JARID2: variants seen among roughly 807,000 people sequenced by gnomAD.
JARID2 encodes jumonji and AT-rich interaction domain containing 2.
A neutral mutation model predicts 125.6 loss-of-function variants in JARID2; 21 were observed. The ratio of observed to expected loss-of-function variants is 0.17; its 90% CI spans 0.12 to 0.24. The LOEUF is 0.24. Ranked by LOEUF, JARID2 falls within the 10% of genes least tolerant of loss-of-function variation. JARID2 has a pLI of 1.00. For synonymous variants in JARID2, 736 were observed against 661.6 expected, an observed-to-expected ratio of 1.11 and a Z score of -1.73; for missense variants, 1,303 against 1,639.6, an observed-to-expected ratio of 0.79 and a Z score of 3.55.
intron 3 of JARID2, among the ~76,000 whole-genome samples, chr6:15,439,046 AAAG>A (rs1299946912): frequency 6.6e-6 from 1 of 151,646 alleles, no homozygotes; most frequent in Non-Finnish European, 1.5e-5. Flanking sequence ...AAAAAAAAAA[AAAG>A]GTGTGGGGGG....
chr6:15,390,341 G>A (rs1347783506), intron 2 of JARID2, among the ~76,000 whole-genome samples: 1 of 152,090 alleles, frequency 6.6e-6, no homozygotes, highest in Non-Finnish European at 1.5e-5. Flanking sequence ...GTGCTTGTTG[G>A]TGTGGGGTTC....
At chr6:15,342,145 C>T (rs1763089635) in intron 1 of JARID2, among the ~76,000 whole-genome samples, 1 of 152,168 alleles carries the variant, frequency 6.6e-6, no homozygotes, top group African/African-American at 2.4e-5. Flanking sequence ...CAGCATTGCA[C>T]ATGCTCAGTC....
At chr6:15,283,172 G>C (rs562788104) in intron 1 of JARID2, among the ~76,000 whole-genome samples, 4 of 147,718 alleles carry the variant, frequency 2.7e-5, no homozygotes, top group Non-Finnish European at 6.0e-5. Context: ...TAGAGACGGG[G>C]TTTCACCGTG....
At chr6:15,423,797 T>C (rs1297042963) in intron 3 of JARID2, among the ~76,000 whole-genome samples, 5 of 152,184 alleles carry the variant, frequency 3.3e-5, no homozygotes, top group Admixed American at 3.3e-4. Context: ...CTTGGGGCCG[T>C]GATAGGGAAG....
intron 7 of JARID2, among the ~76,000 whole-genome samples, chr6:15,499,713 G>C (rs556668076): frequency 1.3e-5 from 2 of 152,226 alleles, no homozygotes; most frequent in East Asian, 3.9e-4. Context: ...GGTCCCTCCT[G>C]TCGAGGCTGG....
intron 1 of JARID2, among the ~76,000 whole-genome samples, chr6:15,275,543 C>CCCG (rs1760472058): frequency 9.2e-6 from 1 of 108,204 alleles, no homozygotes. Context: ...GCCCCCCCCC[C>CCCG]CGTCTTTTGC....
Position 15,497,105 on chromosome 6 carries a change from G to A in JARID2, c.1880G>A (p.Arg627Gln), listed in dbSNP as rs1343262221. ...LGRRWGPNVQ[R>Q]LACIKKHLKS... ...CGGCGCTGGGGCCCCAACGTGCAGCGGCTGGCCTGCATCAAGAAGCACCTC... is the reference window on the plus strand; with the variant it reads ...CGGCGCTGGGGCCCCAACGTGCAGCAGCTGGCCTGCATCAAGAAGCACCTC... The change falls in exon 7 of 18, where the codon CGG becomes CAG. Residue 627 changes from arginine to glutamine, a missense_variant. Transcript: ENST00000341776. 31 of 1,574,258 alleles carry A rather than the reference G, an allele frequency of 2.0e-5. No homozygotes were observed. Among genetic ancestry groups the A allele is most frequent in the Middle Eastern group, 1.7e-4 (1 of 6,036 alleles).
intron 3 of JARID2, among the ~76,000 whole-genome samples, chr6:15,447,626 TC>T (rs1767732106): frequency 6.6e-6 from 1 of 152,236 alleles, no homozygotes; most frequent in African/African-American, 2.4e-5. Flanking sequence ...ACCTCTTTTA[TC>T]CCAGTTCTTT....
intron 1 of JARID2, among the ~76,000 whole-genome samples, chr6:15,302,090 A>G (rs1454087053): frequency 6.6e-6 from 1 of 152,128 alleles, no homozygotes; most frequent in Non-Finnish European, 1.5e-5. Context: ...TTTTACAGGT[A>G]TTTTACCATT....
chr6:15,319,901 T>C (rs1383481973), intron 1 of JARID2, among the ~76,000 whole-genome samples: 2 of 152,360 alleles, frequency 1.3e-5, no homozygotes, highest in African/African-American at 4.8e-5. Flanking sequence ...CTGCATCATT[T>C]ACCTTTTGAT....
At position 15,500,920 on chromosome 6, in the gene JARID2, C is replaced by T. The variant is rs150553242; in HGVS notation, c.1959C>T (p.Leu653=). 24 of 1,605,570 alleles carry T rather than the reference C, an allele frequency of 1.5e-5. No homozygotes were observed. Among genetic ancestry groups the T allele is most frequent in the African/African-American group, 6.7e-5 (5 of 74,750 alleles). The change falls in exon 8 of 18, where the codon CTC becomes CTT. Residue 653 remains leucine (L), a synonymous_variant. Coordinates refer to ENST00000341776, the MANE Select transcript of JARID2 (RefSeq NM_004973.4). ...TCGCTGTCCCAGGGGGCTGTGAGCT[C>T]GACCTGGCCTGCTTTTTCCGGCTGA... The part of the protein sequence containing the change: ...DELPLIGGCE[L]DLACFFRLIN...
rs1331480047 is a variant in JARID2, at chr6:15,378,214, T to G, written c.181+3962T>G. 3.6e-5 allele frequency among the ~76,000 whole-genome samples: 5 copies of G among 137,068 alleles called. No individual in the cohort carries two copies. In the East Asian group the frequency reaches 8.4e-4, roughly 23 times the overall value. 89.9% of individuals were successfully genotyped at this position (137,068 alleles called of 152,430 possible). On this transcript the variant is annotated intron_variant, in intron 2 of 17. Coordinates refer to ENST00000341776, the MANE Select transcript of JARID2 (RefSeq NM_004973.4). The stretch of plus-strand genomic sequence containing the variant: ...CAATTTTTAATTTTTTTTTTTTTTT[T>G]GGTTAGTTCCCAACCCAAAAGATTC...
intron 5 of JARID2, among the ~76,000 whole-genome samples, chr6:15,472,716 C>G (rs1769136130): frequency 6.6e-6 from 1 of 152,190 alleles, no homozygotes; most frequent in South Asian, 2.1e-4. Context: ...TCTGTCCAGA[C>G]TGCAGTCCTT....
At chr6:15,346,504 G>A (rs1763248959) in intron 1 of JARID2, among the ~76,000 whole-genome samples, 1 of 152,128 alleles carries the variant, frequency 6.6e-6, no homozygotes, top group Non-Finnish European at 1.5e-5. Flanking sequence ...TGGGTTTGCA[G>A]GGCAGATTAG....
At chr6:15,357,391 C>G (rs746298654) in intron 1 of JARID2, among the ~76,000 whole-genome samples, 2 of 152,144 alleles carry the variant, frequency 1.3e-5, no homozygotes, top group Non-Finnish European at 2.9e-5. Flanking sequence ...TGAATTCATT[C>G]TTAGTCTTTA....
intron 1 of JARID2, among the ~76,000 whole-genome samples, chr6:15,300,420 G>C (rs538898780): frequency 6.6e-6 from 1 of 152,286 alleles, no homozygotes; most frequent in Non-Finnish European, 1.5e-5. Context: ...TGCATTCCAT[G>C]TAAGCTTTTG....
At chr6:15,478,599 G>A (rs910029300) in intron 5 of JARID2, among the ~76,000 whole-genome samples, 6 of 151,838 alleles carry the variant, frequency 4.0e-5, no homozygotes, top group African/African-American at 1.2e-4. Flanking sequence ...AAATCCAAAG[G>A]TGAGCCAGAA....
chr6:15,470,131 C>G (rs557429937), intron 5 of JARID2, among the ~76,000 whole-genome samples: 2 of 149,034 alleles, frequency 1.3e-5, no homozygotes, highest in South Asian at 4.3e-4. Context: ...GAGCAGAGAT[C>G]GTGCCACTGC....
chr6:15,351,540 G>T (rs1489106424), intron 1 of JARID2, among the ~76,000 whole-genome samples: 1 of 152,190 alleles, frequency 6.6e-6, no homozygotes, highest in Non-Finnish European at 1.5e-5. Context: ...GTAAAATGGA[G>T]GGGTGGCAAA....
Sources: allele counts gnomAD v4.1 joint callset (sites outside exome capture counted in the v4.1 genomes callset), GRCh38; gene constraint gnomAD v4.1.1; transcripts MANE v1.5; gene names NCBI Gene and HGNC (gene_info 2026-07-23, HGNC 2026-07-21).